Variants in SLC5A1 observed in about 807,000 individuals in gnomAD.
SLC5A1 encodes the protein solute carrier family 5 member 1, also known as sodium/glucose cotransporter 1.
A neutral mutation model predicts 73.5 loss-of-function variants in SLC5A1; 42 were observed. The ratio of observed to expected loss-of-function variants is 0.57; its 90% confidence interval spans 0.45 to 0.74. SLC5A1 has a LOEUF of 0.74. SLC5A1 is among the 30% of genes least tolerant of loss of function. SLC5A1 has a pLI of 0.00. For missense variants in SLC5A1, 634 were observed against 855.4 expected, an observed-to-expected ratio of 0.74 and a Z score of 3.23; for synonymous variants, 300 against 317.4, an observed-to-expected ratio of 0.95 and a Z score of 0.58.
intron 11 of SLC5A1, among the ~76,000 whole-genome samples, 172 bp from the exon 12 acceptor site, chr22:32,099,011 G>A (rs1407607180): frequency 1.3e-5 from 2 of 148,450 alleles, no homozygotes; most frequent in East Asian, 4.0e-4. Context: ...GTGTGAATCC[G>A]GGTGGCAGAG....
rs934588989 is a variant in SLC5A1, at chr22:32,111,045, A to C, written c.*832A>C. The stretch of plus-strand genomic sequence containing the variant: ...TAAATCTTTGCTTGCTTTTTACATG[A>C]GCCTGGCCCTTAGTTAACCTTTTCT... On this transcript the variant is annotated 3_prime_UTR_variant, in exon 15 of 15. Transcript: ENST00000266088. The C allele has an allele frequency of 6.6e-6, 1 of 152,218 alleles. No individual in the cohort carries two copies. The highest frequency in any genetic ancestry group is 1.5e-5 in the Non-Finnish European group (1 of 68,096). 9.4% of individuals were successfully genotyped at this position (152,218 alleles called of 1,614,324 possible).
chr22:32,109,070 G>C (rs2094051457), intron 14 of SLC5A1, among the ~76,000 whole-genome samples: 1 of 152,154 alleles, frequency 6.6e-6, no homozygotes, highest in Admixed American at 6.5e-5. Context: ...CTACTAAGGA[G>C]ACCGAGGTGG....
intron 1 of SLC5A1, among the ~76,000 whole-genome samples, chr22:32,046,292 T>C (rs1045053145): frequency 9.9e-5 from 15 of 152,150 alleles, no homozygotes; most frequent in Non-Finnish European, 2.2e-4. Flanking sequence ...CTTGCCTTTC[T>C]GGGAATACTC....
chr22:32,054,935 A>G (rs769675209), intron 2 of SLC5A1, among the ~76,000 whole-genome samples: 2 of 152,176 alleles, frequency 1.3e-5, no homozygotes, highest in African/African-American at 2.4e-5. Flanking sequence ...TTGGCCTCCC[A>G]AAGTGCTGGG....
At chr22:32,104,031 T>G (rs2094040826) in intron 13 of SLC5A1, among the ~76,000 whole-genome samples, 1 of 152,208 alleles carries the variant, frequency 6.6e-6, no homozygotes, top group Admixed American at 6.5e-5. Context: ...TTGTTAATCC[T>G]TTACTTTACT....
chr22:32,084,935 G>A lies in SLC5A1; in HGVS notation c.921G>A (p.Met307Ile). 6.2e-7 allele frequency: 1 copy of A among 1,614,198 alleles called. No homozygotes were observed. The highest frequency in any genetic ancestry group is 8.5e-7 in the Non-Finnish European group (1 of 1,180,036). The change falls in exon 9 of 15, where the codon ATG becomes ATA. Residue 307 changes from methionine (M) to isoleucine (I), a missense_variant. Around this residue, in one of 3 missense-constraint regions of SLC5A1, gnomAD observed 422 missense variants for 626.1 expected, o/e 0.67. Transcript: ENST00000266088. ...AGCGCTGCCTCTCAGCCAAGAATAT[G>A]TCTCACGTGAAGGGTGGCTGCATCC... ...IVQRCLSAKN[M>I]SHVKGGCILC...
chr22:32,045,393 C>T (rs1179463814), intron 1 of SLC5A1, among the ~76,000 whole-genome samples: 1 of 152,206 alleles, frequency 6.6e-6, no homozygotes, highest in Non-Finnish European at 1.5e-5. Context: ...TATGTTTAAT[C>T]TTCCCCCATT....
chr22:32,070,888 A>G (rs973308878), intron 5 of SLC5A1, among the ~76,000 whole-genome samples: 2 of 152,182 alleles, frequency 1.3e-5, no homozygotes, highest in African/African-American at 4.8e-5. Flanking sequence ...ATGAAAAGAA[A>G]AGAAAAGAAA....
chr22:32,052,445 C>A (rs916380164), intron 2 of SLC5A1, among the ~76,000 whole-genome samples: 3 of 152,168 alleles, frequency 2.0e-5, no homozygotes, highest in Non-Finnish European at 2.9e-5. Flanking sequence ...CTTAGAAAAA[C>A]CTGGTAGTCC....
intron 2 of SLC5A1, among the ~76,000 whole-genome samples, chr22:32,066,480 T>C (rs553118290): frequency 9.6e-4 from 146 of 152,316 alleles, no homozygotes; most frequent in African/African-American, 3.4e-3. Flanking sequence ...TTTGAAATGA[T>C]TTCTCTCAAG....
Position 32,110,654 on chromosome 22 carries a change from C to T in SLC5A1, c.*441C>T. The T allele has an allele frequency of 3.5e-6, 1 of 288,674 alleles. No homozygotes were observed. The highest frequency in any genetic ancestry group is 6.7e-6 in the Non-Finnish European group (1 of 149,774). The allele number at this position is 288,674 out of a possible 1,614,324, so 17.9% of individuals were successfully genotyped here. On this transcript the variant is annotated 3_prime_UTR_variant, in exon 15 of 15. Coordinates refer to ENST00000266088, the MANE Select transcript of SLC5A1 (RefSeq NM_000343.4). ...TTTTTTTTAAAAGAAAGCTGTTTTC[C>T]CCTCATCATATCCCTCTTGAGTTTT...
In SLC5A1 at chr22:32,112,923, AATTTAGTC is replaced by A. The variant is rs1272562242; in HGVS notation, c.*2715_*2722del. On this transcript the variant is annotated 3_prime_UTR_variant, in exon 15 of 15. Transcript: ENST00000266088. Reference sequence around the variant, plus strand: ...TGCAGTAATAGATGTTAATTACCTTAATTTAGTCATTTCACAATATGTACATATATAAA... The same window carrying A: ...TGCAGTAATAGATGTTAATTACCTTAATTTCACAATATGTACATATATAAA... 6.6e-6 allele frequency: 1 copy of A among 152,206 alleles called. No individual in the cohort carries two copies. The highest frequency in any genetic ancestry group is 1.5e-5 in the Non-Finnish European group (1 of 68,034). The allele number at this position is 152,206 out of a possible 1,614,324, so 9.4% of individuals were successfully genotyped here. A position where few individuals can be genotyped will look rare whatever the true frequency, so the allele number is the denominator to read the frequency against.
At chr22:32,046,530 C>T (rs553878887) in intron 1 of SLC5A1, among the ~76,000 whole-genome samples, 5 of 152,284 alleles carry the variant, frequency 3.3e-5, no homozygotes, top group Admixed American at 6.5e-5. Flanking sequence ...TTCCTTTTGG[C>T]TCTGGGCTCA....
intron 3 of SLC5A1, among the ~76,000 whole-genome samples, chr22:32,067,362 TA>T (rs765989227): frequency 1.3e-4 from 19 of 147,520 alleles, no homozygotes; most frequent in African/African-American, 4.6e-4. Context: ...TTATTTTTTT[TA>T]AAAAAATTTT....
intron 1 of SLC5A1, among the ~76,000 whole-genome samples, chr22:32,046,324 T>C (rs907342874): frequency 3.9e-5 from 6 of 152,166 alleles, no homozygotes; most frequent in African/African-American, 1.4e-4. Context: ...CTTACTATCA[T>C]TGCATTGTTG....
chr22:32,057,044 C>T (rs1010574035), intron 2 of SLC5A1, among the ~76,000 whole-genome samples: 2 of 152,080 alleles, frequency 1.3e-5, no homozygotes, highest in Admixed American at 6.5e-5. Flanking sequence ...GAGACTGAGG[C>T]TAAAAGCAGT....
Position 32,043,434 on chromosome 22 carries a change from G to A in SLC5A1, c.135+18G>A. 6.2e-7 allele frequency: 1 copy of A among 1,613,202 alleles called. No individual in the cohort carries two copies. ...GACTGTGGGTATGCAGCGGGTTCTG[G>A]GATGCGGGTGGGGAGGGTGCGCACA... On this transcript the variant is annotated intron_variant, in intron 1 of 14. Coordinates refer to ENST00000266088, the MANE Select transcript of SLC5A1 (RefSeq NM_000343.4). The surrounding 1 kb of genome is among the most constrained non-coding windows in gnomAD (Gnocchi z 6.5).
At chr22:32,092,545 G>T (rs2413066) in intron 11 of SLC5A1, among the ~76,000 whole-genome samples, 6,848 of 152,284 alleles carry the variant, frequency 0.045, 208 homozygotes, top group Non-Finnish European at 0.071. Context: ...CATAGTGGTT[G>T]TATTAGTTTA....
At chr22:32,066,634 C>T (rs2093973745) in intron 2 of SLC5A1, among the ~76,000 whole-genome samples, 1 of 152,180 alleles carries the variant, frequency 6.6e-6, no homozygotes. Context: ...GGCTGTGGGA[C>T]TTCCCATATC....
Sources: allele counts gnomAD v4.1 joint callset (sites outside exome capture counted in the v4.1 genomes callset), GRCh38; gene constraint gnomAD v4.1.1; regional missense constraint gnomAD v4.1.1; non-coding constraint Gnocchi (gnomAD v3.1); transcripts MANE v1.5; gene names NCBI Gene and HGNC (gene_info 2026-07-23, HGNC 2026-07-21).